Variants in CORO7 observed in about 807,000 individuals in gnomAD.
CORO7 encodes coronin-7.
In CORO7, 107 loss-of-function variants were observed where a neutral mutation model predicts 126.6. The ratio of observed to expected loss-of-function variants is 0.85; its 90% CI spans 0.72 to 0.99. The LOEUF (loss-of-function observed/expected upper bound fraction) is 0.99. Ranked by LOEUF, CORO7 falls within the 50% of genes least tolerant of loss-of-function variation. The probability of loss-of-function intolerance (pLI) is 0.00; values close to 1 mark genes in which losing one functional copy is unlikely to be tolerated. For synonymous variants in CORO7, 603 were observed against 536.8 expected (o/e 1.12, Z -1.70); for missense variants, 1,314 against 1,255.8 (o/e 1.05, Z -0.70).
Position 4,362,231 on chromosome 16 carries a change from C to T in CORO7, c.1403-71G>A, listed in dbSNP as rs1439415869. 2 of 1,523,882 alleles carry T rather than the reference C, an allele frequency of 1.3e-6. No individual in the cohort carries two copies. The highest frequency in any genetic ancestry group is 1.8e-6 in the Non-Finnish European group (2 of 1,134,866). 94.4% of individuals were successfully genotyped at this position (1,523,882 alleles called of 1,614,324 possible). On this transcript the variant is annotated intron_variant, in intron 15 of 27. Transcript: ENST00000251166. The surrounding 1 kb of genome is among the most constrained non-coding windows in gnomAD (Gnocchi z 5.3). ...CCGCCCGCCCTGCACTCTTTGAGTC[C>T]CGGCTGCCCACTCCCCTCACCCCAG...
intron 2 of CORO7, chr16:4,412,796 G>T: frequency 3.2e-6 from 1 of 315,350 alleles, no homozygotes; most frequent in African/African-American, 2.1e-5. Flanking sequence ...GAGACCCAGA[G>T]AGGTCAGGGC....
chr16:4,386,278 T>G lies in CORO7; in HGVS notation c.785+1708A>C, dbSNP rs71388573. ...TAATTACAGGGTCAGCCTTGGCCAGTGGCACCGTGAGGTCTGGGCATCATT... is the reference window on the plus strand; with the variant it reads ...TAATTACAGGGTCAGCCTTGGCCAGGGGCACCGTGAGGTCTGGGCATCATT... On this transcript the variant is annotated intron_variant, in intron 9 of 27. Transcript: ENST00000251166. Among the ~76,000 whole-genome samples, 966 of 152,316 alleles carry G rather than the reference T, an allele frequency of 6.3e-3. 10 individuals carry two copies. The highest frequency in any genetic ancestry group is 0.01 in the Non-Finnish European group (709 of 68,008).
Position 4,373,613 on chromosome 16 carries a change from G to A in CORO7, c.786-8068C>T, listed in dbSNP as rs78310892. Among the ~76,000 whole-genome samples the A allele has an allele frequency of 7.4e-4, 113 of 152,292 alleles. No individual in the cohort carries two copies. The East Asian group carries it at 0.012, about 17-fold the overall frequency. The stretch of plus-strand genomic sequence containing the variant: ...AGGGAGATGGCAAGGGAGATGCCCC[G>A]GGCAGGAGATGGGTCCGCGGCTCCT... On this transcript the variant is annotated intron_variant, in intron 9 of 27. Coordinates refer to ENST00000251166, the MANE Select transcript of CORO7 (RefSeq NM_024535.5).
chr16:4,361,600 A>G, intron 16 of CORO7, 131 bp from the exon 17 acceptor site: 1 of 1,118,838 alleles, frequency 8.9e-7, no homozygotes, highest in Non-Finnish European at 1.3e-6. Flanking sequence ...GGGTGACCCA[A>G]GCTCTCTGCC....
rs112578905 is a variant in CORO7, at chr16:4,374,086, C to CGTGTGTGTGTGTGTGTGTGT, written c.786-8561_786-8542dup. On this transcript the variant is annotated intron_variant, in intron 9 of 27. Coordinates refer to ENST00000251166, the MANE Select transcript of CORO7 (RefSeq NM_024535.5). ...GTTCTTGGAGAAGGGGGAGGGTGCA[C>CGTGTGTGTGTGTGTGTGTGT]GTGTGTGTGTGTGTGTGTGTCTGCA... Among the ~76,000 whole-genome samples, 949 of 148,760 alleles carry CGTGTGTGTGTGTGTGTGTGT rather than the reference C, an allele frequency of 6.4e-3. 6 individuals carry two copies. Among genetic ancestry groups the CGTGTGTGTGTGTGTGTGTGT allele is most frequent in the African/African-American group, 0.022 (896 of 40,558 alleles).
intron 16 of CORO7, 172 bp downstream of exon 16, chr16:4,361,812 TG>T: frequency 9.5e-7 from 1 of 1,055,236 alleles, no homozygotes; most frequent in East Asian, 2.6e-5. Context: ...ATCTGTAAAA[TG>T]GGGATAAAAG....
At chr16:4,411,794 G>C (rs1472071453) in intron 3 of CORO7, among the ~76,000 whole-genome samples, 1 of 152,026 alleles carries the variant, frequency 6.6e-6, no homozygotes, top group Non-Finnish European at 1.5e-5. Context: ...GCTGGACAGT[G>C]AGAGGCGAGG....
intron 10 of CORO7, among the ~76,000 whole-genome samples, chr16:4,365,268 C>T (rs9931833): frequency 0.031 from 4,711 of 152,260 alleles, 228 homozygotes; most frequent in African/African-American, 0.11. Context: ...GGGTGAGCAC[C>T]GGGGGTGTAC....
intron 10 of CORO7, 82 bp from the exon 11 acceptor site, chr16:4,365,142 TC>T: frequency 6.5e-7 from 1 of 1,539,208 alleles, no homozygotes; most frequent in Non-Finnish European, 8.8e-7. Flanking sequence ...CCCCCACAGG[TC>T]CCCAAGGACC....
intron 1 of CORO7, 77 bp downstream of exon 1, chr16:4,416,382 C>T (rs2056412670): frequency 6.9e-7 from 1 of 1,458,726 alleles, no homozygotes; most frequent in African/African-American, 1.5e-5. Flanking sequence ...GAGGGCACCC[C>T]TGTGGGGTCC....
rs1229168815 is a variant in CORO7, at chr16:4,362,476, C to T, written c.1402+136G>A. 37 of 1,423,694 alleles carry T rather than the reference C, an allele frequency of 2.6e-5. No homozygotes were observed. The highest frequency in any genetic ancestry group is 7.9e-5 in the Admixed American group (3 of 38,180). 88.2% of individuals were successfully genotyped at this position (1,423,694 alleles called of 1,614,324 possible). On this transcript the variant is annotated intron_variant, in intron 15 of 27. Coordinates refer to ENST00000251166, the MANE Select transcript of CORO7 (RefSeq NM_024535.5). This position sits in a 1 kb window ranked among gnomAD's most constrained non-coding sequence, Gnocchi z 5.3. ...CACCCCAGCCCCCAGGACAAATGACCCTGCCAGTGAGTCTGGGTGAGGGGG... is the reference window on the plus strand; with the variant it reads ...CACCCCAGCCCCCAGGACAAATGACTCTGCCAGTGAGTCTGGGTGAGGGGG...
rs1298317516 is a variant in CORO7 at position 4,354,789 on chromosome 16, G to C, written c.*369C>G. 6.7e-6 allele frequency: 2 copies of C among 299,626 alleles called. No individual in the cohort carries two copies. Among genetic ancestry groups the C allele is most frequent in the African/African-American group, 4.3e-5 (2 of 46,498 alleles). The allele number at this position is 299,626 out of a possible 1,614,324, so 18.6% of individuals were successfully genotyped here. On this transcript the variant is annotated 3_prime_UTR_variant, in exon 28 of 28. Transcript: ENST00000251166. ...AACAGCAGGCAAGATGGGGCAGCGTGGGGTGACCAAAGATCCTGGATGAGG... is the reference window on the plus strand; with the variant it reads ...AACAGCAGGCAAGATGGGGCAGCGTCGGGTGACCAAAGATCCTGGATGAGG...
chr16:4,361,826 G>A, intron 16 of CORO7, 159 bp downstream of exon 16: 1 of 1,182,790 alleles, frequency 8.5e-7, no homozygotes, highest in South Asian at 1.3e-5. Context: ...GATAAAAGTG[G>A]CAGGCCCCAT....
Position 4,407,685 on chromosome 16 carries a change from C to T in CORO7, c.304-1G>A. 3 of 1,583,302 alleles carry T rather than the reference C, an allele frequency of 1.9e-6. No individual in the cohort carries two copies. The highest frequency in any genetic ancestry group is 2.6e-6 in the Non-Finnish European group (3 of 1,166,828). ...GCCCTGGCAGTCGCCAGAGTTTTAC[C>T]TGCAAGAAAGACCAAGTCCGTGAGC... On this transcript the variant is annotated splice_acceptor_variant, in intron 4 of 27. Transcript: ENST00000251166. LOFTEE classifies it high-confidence loss of function.
At chr16:4,358,602 G>T in intron 23 of CORO7, 119 bp from the exon 24 acceptor site, 1 of 864,986 alleles carries the variant, frequency 1.2e-6, no homozygotes, top group Non-Finnish European at 1.7e-6. Flanking sequence ...GCCTGTCCCT[G>T]GACAGTAACG....
chr16:4,367,088 G>A (rs1007838410), intron 9 of CORO7, among the ~76,000 whole-genome samples: 12 of 152,210 alleles, frequency 7.9e-5, no homozygotes, highest in Admixed American at 3.9e-4. Flanking sequence ...AGGAGCCACA[G>A]AGTGGCTGGG....
At chr16:4,405,463 C>T in intron 6 of CORO7, 28 bp downstream of exon 6, 1 of 1,607,530 alleles carries the variant, frequency 6.2e-7, no homozygotes, top group Non-Finnish European at 8.5e-7. Flanking sequence ...CACAGAGCCC[C>T]ACAGGGCATC....
In CORO7 at chr16:4,388,513, C is replaced by T. The variant is rs763378819; in HGVS notation, c.702+32G>A. The T allele has an allele frequency of 2.3e-5, 37 of 1,599,886 alleles. No individual in the cohort carries two copies. In the South Asian group the frequency reaches 2.7e-4, roughly 12 times the overall value. On this transcript the variant is annotated intron_variant, in intron 8 of 27. Transcript: ENST00000251166. Reference sequence around the variant, plus strand: ...AGGGCTGGACATGTCCCCACCTGGCCGTGCCCTGCTCCTCCAGGAGGAACC... The same window carrying T: ...AGGGCTGGACATGTCCCCACCTGGCTGTGCCCTGCTCCTCCAGGAGGAACC...
chr16:4,400,134 T>C (rs1229486775), intron 6 of CORO7, among the ~76,000 whole-genome samples: 1 of 152,188 alleles, frequency 6.6e-6, no homozygotes. Flanking sequence ...CATTATGTCA[T>C]GCATTTATCA....
Sources: allele counts gnomAD v4.1 joint callset (sites outside exome capture counted in the v4.1 genomes callset), GRCh38; gene constraint gnomAD v4.1.1; non-coding constraint Gnocchi (gnomAD v3.1); transcripts MANE v1.5; gene names NCBI Gene and HGNC (gene_info 2026-07-23, HGNC 2026-07-21).